Variants in ANKFN1 observed in about 807,000 individuals in gnomAD.
ANKFN1 encodes ankyrin repeat and fibronectin type III domain containing 1, also known as ankyrin repeat and fibronectin type-III domain-containing protein 1.
Under a neutral mutation model 108.7 loss-of-function variants are expected in ANKFN1, and 74 were observed. That is an observed-to-expected ratio of 0.68 (90% CI 0.56 to 0.83). The LOEUF (loss-of-function observed/expected upper bound fraction) is 0.83, where lower values mean the gene tolerates loss of function less well. Among genes scored for constraint, ANKFN1 ranks in the 40% least tolerant of loss-of-function variants. The probability of loss-of-function intolerance (pLI) is 0.00; values close to 1 mark genes in which losing one functional copy is unlikely to be tolerated. For missense variants in ANKFN1, 1,505 were observed against 1,382.3 expected (o/e 1.09, Z -1.41); for synonymous variants, 547 against 516.2 (o/e 1.06, Z -0.81).
intron 8 of ANKFN1, among the ~76,000 whole-genome samples, chr17:56,434,908 G>A (rs1365645319): frequency 2.0e-5 from 3 of 152,072 alleles, no homozygotes; most frequent in South Asian, 2.1e-4. Flanking sequence ...GCCAAATTCC[G>A]TTCATTAGCT....
intron 3 of ANKFN1, among the ~76,000 whole-genome samples, chr17:56,241,115 A>C (rs942665108): frequency 3.9e-5 from 6 of 152,082 alleles, no homozygotes; most frequent in Admixed American, 3.3e-4. Flanking sequence ...TGTAAGTTTT[A>C]AAGTTTTGAT....
intron 8 of ANKFN1, among the ~76,000 whole-genome samples, chr17:56,417,706 G>A (rs1212509138): frequency 2.6e-5 from 4 of 152,214 alleles, no homozygotes; most frequent in African/African-American, 4.8e-5. Context: ...GAAGAGAATT[G>A]ATCCATGTGT....
intron 3 of ANKFN1, among the ~76,000 whole-genome samples, chr17:56,236,240 G>A (rs921483304): frequency 6.6e-6 from 1 of 151,866 alleles, no homozygotes; most frequent in Non-Finnish European, 1.5e-5. Flanking sequence ...TGTATTTTTA[G>A]TAGAGACGTG....
intron 3 of ANKFN1, among the ~76,000 whole-genome samples, chr17:56,254,991 G>C (rs538569153): frequency 3.9e-5 from 6 of 152,254 alleles, no homozygotes; most frequent in African/African-American, 1.4e-4. Flanking sequence ...ATTAACACTA[G>C]ACTTAAATGA....
At chr17:56,188,613 A>ATG in intron 1 of ANKFN1, among the ~76,000 whole-genome samples, 1 of 135,978 alleles carries the variant, frequency 7.4e-6, no homozygotes, top group Non-Finnish European at 1.5e-5. Flanking sequence ...ATATATATAT[A>ATG]TATGAAATAT....
chr17:56,464,468 C>T (rs771500437), intron 14 of ANKFN1, among the ~76,000 whole-genome samples: 4 of 152,018 alleles, frequency 2.6e-5, no homozygotes, highest in Non-Finnish European at 5.9e-5. Context: ...GAATTCATAA[C>T]GTGAACTCAT....
chr17:56,167,416 A>T (rs80158838), intron 1 of ANKFN1, among the ~76,000 whole-genome samples: 1 of 151,282 alleles, frequency 6.6e-6, no homozygotes, highest in Non-Finnish European at 1.5e-5. Flanking sequence ...ATAATAAGGG[A>T]TAAAATACTT....
intron 1 of ANKFN1, among the ~76,000 whole-genome samples, chr17:56,210,061 CATAGATAGATAGATAG>C (rs57680665): frequency 1.2e-4 from 18 of 148,110 alleles, no homozygotes; most frequent in African/African-American, 1.7e-4. Flanking sequence ...TAGATAGATA[CATAGATAGATAGATAG>C]ATAGATAGAT....
At chr17:56,179,908 G>A (rs1400587810) in intron 1 of ANKFN1, among the ~76,000 whole-genome samples, 3 of 152,106 alleles carry the variant, frequency 2.0e-5, no homozygotes, top group African/African-American at 4.8e-5. Flanking sequence ...AGCATTCATC[G>A]CACATTCTAT....
intron 15 of ANKFN1, among the ~76,000 whole-genome samples, chr17:56,467,826 GA>G (rs1166242975): frequency 3.2e-5 from 2 of 63,320 alleles, no homozygotes; most frequent in African/African-American, 9.4e-5. Context: ...AAGAAAGAAA[GA>G]AAGAAAGAAA....
intron 14 of ANKFN1, among the ~76,000 whole-genome samples, chr17:56,458,569 G>A (rs967650942): frequency 2.6e-5 from 4 of 152,044 alleles, no homozygotes; most frequent in Non-Finnish European, 5.9e-5. Context: ...ATCAGATCAA[G>A]TCCCCAATCT....
chr17:56,378,065 G>A (rs771557995), intron 8 of ANKFN1, among the ~76,000 whole-genome samples: 17 of 152,120 alleles, frequency 1.1e-4, no homozygotes, highest in Non-Finnish European at 1.8e-4. Context: ...TTAACTGCTC[G>A]TCATTTGATG....
chr17:56,108,674 G>A (rs895210682), intron 4 of ANKFN1, among the ~76,000 whole-genome samples: 4 of 152,238 alleles, frequency 2.6e-5, no homozygotes, highest in South Asian at 4.2e-4. Context: ...TCTGGCAAAT[G>A]AACAACAACT....
At chr17:56,091,717 G>C (rs1156437153) in intron 4 of ANKFN1, among the ~76,000 whole-genome samples, 19 of 151,486 alleles carry the variant, frequency 1.3e-4, no homozygotes. Flanking sequence ...CAATCAAAGA[G>C]GGAGATGCTC....
chr17:56,168,814 A>C (rs62072992), intron 1 of ANKFN1, among the ~76,000 whole-genome samples: 17,584 of 152,156 alleles, frequency 0.12, 1,324 homozygotes, highest in East Asian at 0.3. Context: ...ACATCACCCT[A>C]ATTGGAACAG....
intron 4 of ANKFN1, among the ~76,000 whole-genome samples, chr17:56,328,212 T>C (rs2045574215): frequency 6.6e-6 from 1 of 152,200 alleles, no homozygotes; most frequent in Admixed American, 6.5e-5. Context: ...GGTATGGGTA[T>C]AATCCATGTA....
rs374786724 is a variant in ANKFN1 at position 56,334,907 on chromosome 17, G to C, written c.188+8552G>C. 7.6e-4 allele frequency among the ~76,000 whole-genome samples: 115 copies of C among 152,232 alleles called. 1 individual carries two copies. The South Asian group carries it at 0.022, about 29-fold the overall frequency. On this transcript the variant is annotated intron_variant, in intron 4 of 20. Transcript: ENST00000682825. Reference sequence around the variant, plus strand: ...CATCTTGAATTAATTTTTGTGGAAGGTGTAAGGAAGGGATCCAGTTTCAGC... The same window carrying C: ...CATCTTGAATTAATTTTTGTGGAAGCTGTAAGGAAGGGATCCAGTTTCAGC...
chr17:56,485,271 T>C (rs2050820698), intron 18 of ANKFN1, among the ~76,000 whole-genome samples: 1 of 152,014 alleles, frequency 6.6e-6, no homozygotes, highest in Non-Finnish European at 1.5e-5. Flanking sequence ...TGAAGGAAAA[T>C]AAATCTGGCT....
At chr17:56,416,166 A>C (rs2048235948) in intron 8 of ANKFN1, among the ~76,000 whole-genome samples, 2 of 152,212 alleles carry the variant, frequency 1.3e-5, no homozygotes, top group Non-Finnish European at 2.9e-5. Context: ...AAATTTCTTC[A>C]GTAATATCCC....
Sources: allele counts gnomAD v4.1 joint callset (sites outside exome capture counted in the v4.1 genomes callset), GRCh38; gene constraint gnomAD v4.1.1; transcripts MANE v1.5; gene names NCBI Gene and HGNC (gene_info 2026-07-23, HGNC 2026-07-21).